The following MGMT variants were observed in gnomAD, a reference collection of about 807,000 sequenced individuals.
MGMT encodes the protein methylated-DNA--protein-cysteine methyltransferase.
Under a neutral mutation model 15.9 loss-of-function variants are expected in MGMT, and 14 were observed. The observed-to-expected ratio is 0.88, with a 90% CI of 0.58 to 1.37. The LOEUF (loss-of-function observed/expected upper bound fraction) is 1.37. Among genes scored for constraint, MGMT ranks in the 40% most tolerant of loss-of-function variants. MGMT has a pLI of 0.00. For synonymous variants in MGMT, 130 were observed against 118.2 expected, an observed-to-expected ratio of 1.10 and a Z score of -0.65; for missense variants, 282 against 268.1, an observed-to-expected ratio of 1.05 and a Z score of -0.36.
intron 1 of MGMT, among the ~76,000 whole-genome samples, chr10:129,492,434 C>G (rs1438157408): frequency 1.3e-5 from 2 of 152,228 alleles, no homozygotes; most frequent in African/African-American, 4.8e-5. Flanking sequence ...CCTCCCACCC[C>G]AGTCTCGTAA....
At chr10:129,761,244 G>GCC (rs151250704) in intron 4 of MGMT, among the ~76,000 whole-genome samples, 34 of 152,084 alleles carry the variant, frequency 2.2e-4, no homozygotes, top group African/African-American at 8.2e-4. Context: ...TACTCTTTGT[G>GCC]CCCCCCGAGG....
At chr10:129,564,682 C>CTCCCCCTCCTCTCCTTCT in intron 2 of MGMT, among the ~76,000 whole-genome samples, 1 of 132,700 alleles carries the variant, frequency 7.5e-6, no homozygotes, top group African/African-American at 2.9e-5. Context: ...CCTCTCCTTC[C>CTCCCCCTCCTCTCCTTCT]TCCTCCTCCT....
At position 129,674,133 on chromosome 10, in the gene MGMT, GTCA is replaced by G. The variant is rs1199952064; in HGVS notation, c.126-33757_126-33755del. 2.6e-5 allele frequency among the ~76,000 whole-genome samples: 4 copies of G among 152,262 alleles called. 1 individual carries two copies. Among genetic ancestry groups the G allele is most frequent in the Middle Eastern group, 6.8e-3 (2 of 294 alleles). On this transcript the variant is annotated intron_variant, in intron 2 of 4. Coordinates refer to ENST00000651593, the MANE Select transcript of MGMT (RefSeq NM_002412.5). The stretch of plus-strand genomic sequence containing the variant: ...AAACTAAATGCCAGAATTCTTTCAT[GTCA>G]TCATAAGATGTTAATGCATATTGCT...
At chr10:129,534,746 C>T (rs1046825851) in intron 1 of MGMT, among the ~76,000 whole-genome samples, 15 of 151,720 alleles carry the variant, frequency 9.9e-5, no homozygotes, top group South Asian at 2.1e-4. Flanking sequence ...TCAGTGAAGG[C>T]GCAGAGATTT....
chr10:129,604,725 C>T (rs1388148209), intron 2 of MGMT, among the ~76,000 whole-genome samples: 3 of 121,444 alleles, frequency 2.5e-5, no homozygotes, highest in Non-Finnish European at 5.6e-5. Flanking sequence ...CTGCACCCCA[C>T]CTCGCCGCCC....
chr10:129,644,527 C>T (rs1009000491), intron 2 of MGMT, among the ~76,000 whole-genome samples: 2 of 152,068 alleles, frequency 1.3e-5, no homozygotes, highest in East Asian at 1.9e-4. Flanking sequence ...GCAAAGGGCC[C>T]CATGAGCCCA....
chr10:129,515,959 G>A (rs991256218), intron 1 of MGMT, among the ~76,000 whole-genome samples: 2 of 152,092 alleles, frequency 1.3e-5, no homozygotes, highest in Admixed American at 1.3e-4. Flanking sequence ...TTAATGAGAC[G>A]GTGATCATCC....
At chr10:129,695,379 A>T (rs781343004) in intron 2 of MGMT, among the ~76,000 whole-genome samples, 2 of 152,228 alleles carry the variant, frequency 1.3e-5, no homozygotes, top group Non-Finnish European at 2.9e-5. Flanking sequence ...GAACTGTACA[A>T]ACCAATTTAC....
chr10:129,704,646 CT>C (rs1320098073), intron 2 of MGMT, among the ~76,000 whole-genome samples: 3 of 152,070 alleles, frequency 2.0e-5, no homozygotes, highest in South Asian at 2.1e-4. Context: ...GAGCTTCCTT[CT>C]TTTTCCCTTC....
intron 1 of MGMT, among the ~76,000 whole-genome samples, chr10:129,535,365 C>T (rs1845973772): frequency 6.6e-6 from 1 of 152,106 alleles, no homozygotes; most frequent in South Asian, 2.1e-4. Flanking sequence ...CGCTGCTCTC[C>T]AGCCTGGGTG....
Position 129,659,464 on chromosome 10 carries a change from G to A in MGMT, c.126-48431G>A, listed in dbSNP as rs1342439596. Among the ~76,000 whole-genome samples the A allele has an allele frequency of 5.3e-5, 8 of 152,188 alleles. No homozygotes were observed. Among genetic ancestry groups the A allele is most frequent in the Admixed American group, 5.2e-4 (8 of 15,284 alleles). Reference sequence around the variant, plus strand: ...GATCCTGCCTCTATCCACGGCGTAAGGGAGTTAGCTTCATGGCAAGCTCTC... The same window carrying A: ...GATCCTGCCTCTATCCACGGCGTAAAGGAGTTAGCTTCATGGCAAGCTCTC... On this transcript the variant is annotated intron_variant, in intron 2 of 4. Transcript: ENST00000651593. The surrounding 1 kb of genome is among the most constrained non-coding windows in gnomAD (Gnocchi z 4.1).
At chr10:129,734,576 G>A (rs1848538827) in intron 3 of MGMT, among the ~76,000 whole-genome samples, 1 of 151,832 alleles carries the variant, frequency 6.6e-6, no homozygotes, top group South Asian at 2.1e-4. Context: ...TGATTGCCCT[G>A]GCCAGAACTT....
intron 3 of MGMT, among the ~76,000 whole-genome samples, chr10:129,753,651 C>T (rs927365795): frequency 6.6e-6 from 1 of 152,074 alleles, no homozygotes; most frequent in African/African-American, 2.4e-5. Flanking sequence ...ACTAAATTTT[C>T]TACTTTATTA....
At chr10:129,680,087 C>A (rs566278488) in intron 2 of MGMT, among the ~76,000 whole-genome samples, 1 of 152,208 alleles carries the variant, frequency 6.6e-6, no homozygotes, top group Non-Finnish European at 1.5e-5. Flanking sequence ...GCCCAGCAGT[C>A]GCAGACCCCA....
intron 3 of MGMT, among the ~76,000 whole-genome samples, chr10:129,721,466 G>C (rs1848370530): frequency 1.3e-5 from 2 of 152,228 alleles, no homozygotes; most frequent in South Asian, 4.1e-4. Flanking sequence ...TTTCAGATAA[G>C]TGAACCTCAC....
At chr10:129,698,562 G>A (rs1848059466) in intron 2 of MGMT, among the ~76,000 whole-genome samples, 1 of 152,140 alleles carries the variant, frequency 6.6e-6, no homozygotes, top group African/African-American at 2.4e-5. Flanking sequence ...GTGCCCTCAT[G>A]TGTGTGTAAA....
At chr10:129,744,220 C>A (rs1255100288) in intron 3 of MGMT, among the ~76,000 whole-genome samples, 3 of 152,160 alleles carry the variant, frequency 2.0e-5, no homozygotes, top group Admixed American at 6.5e-5. Context: ...TGGCTCCTGG[C>A]AAGCCCAGAG....
rs147287267 is a variant in MGMT at position 129,621,791 on chromosome 10, A to G, written c.125+85414A>G. ...TTTGCTTTTCAAAAATAGTGTGGAC[A>G]TTAAAAAGCCATCCCCATGTGCCTA... On this transcript the variant is annotated intron_variant, in intron 2 of 4. Coordinates refer to ENST00000651593, the MANE Select transcript of MGMT (RefSeq NM_002412.5). 2.3e-3 allele frequency among the ~76,000 whole-genome samples: 350 copies of G among 152,342 alleles called. 1 individual carries two copies. Among genetic ancestry groups the G allele is most frequent in the African/African-American group, 7.9e-3 (330 of 41,580 alleles).
intron 4 of MGMT, among the ~76,000 whole-genome samples, chr10:129,759,695 C>T: frequency 6.6e-6 from 1 of 151,770 alleles, no homozygotes. Flanking sequence ...TTATGGCCCA[C>T]ACTCTTCTAG....
Sources: allele counts gnomAD v4.1 joint callset (sites outside exome capture counted in the v4.1 genomes callset), GRCh38; gene constraint gnomAD v4.1.1; non-coding constraint Gnocchi (gnomAD v3.1); transcripts MANE v1.5; gene names NCBI Gene and HGNC (gene_info 2026-07-23, HGNC 2026-07-21).